The following KCNH7 variants were observed in gnomAD, a reference collection of about 807,000 sequenced individuals.
The protein encoded by KCNH7 is potassium voltage-gated channel subfamily H member 7, also known as voltage-gated inwardly rectifying potassium channel KCNH7.
Under a neutral mutation model 120.8 loss-of-function variants are expected in KCNH7, and 49 were observed. That is an observed-to-expected ratio of 0.41 (90% CI 0.32 to 0.51). The LOEUF (loss-of-function observed/expected upper bound fraction) is 0.51. KCNH7 is among the 20% of genes least tolerant of loss of function. The pLI is 0.38. For synonymous variants in KCNH7, 547 were observed against 516.1 expected, an observed-to-expected ratio of 1.06 and a Z score of -0.81; for missense variants, 1,097 against 1,446.6, an observed-to-expected ratio of 0.76 and a Z score of 3.92.
intron 2 of KCNH7, among the ~76,000 whole-genome samples, chr2:162,826,650 G>C (rs535108690): frequency 1.3e-5 from 2 of 152,230 alleles, no homozygotes; most frequent in Admixed American, 1.3e-4. Flanking sequence ...ATGAATGAAT[G>C]ATATCTTTCC....
intron 2 of KCNH7, among the ~76,000 whole-genome samples, chr2:162,548,397 A>G (rs1014836417): frequency 6.6e-6 from 1 of 152,182 alleles, no homozygotes; most frequent in Admixed American, 6.5e-5. Flanking sequence ...AGGTGGTTGC[A>G]GGAGGGAGAG....
At position 162,808,743 on chromosome 2, in the gene KCNH7, A is replaced by T. The variant is rs144428447; in HGVS notation, c.307+27794T>A. ...GTGTGCATATATATATTAAAGATATATATACATATAATAAAAGAATACTAA... is the reference window on the plus strand; with the variant it reads ...GTGTGCATATATATATTAAAGATATTTATACATATAATAAAAGAATACTAA... On this transcript the variant is annotated intron_variant, in intron 2 of 15. Transcript: ENST00000332142. Among the ~76,000 whole-genome samples the T allele has an allele frequency of 1.7e-3, 262 of 151,770 alleles. 5 individuals carry two copies. The East Asian group carries it at 0.028, about 16-fold the overall frequency.
At chr2:162,808,338 C>T (rs921167897) in intron 2 of KCNH7, among the ~76,000 whole-genome samples, 3 of 152,098 alleles carry the variant, frequency 2.0e-5, no homozygotes, top group Non-Finnish European at 4.4e-5. Flanking sequence ...AGACACTGCA[C>T]AAGGCTCTGG....
chr2:162,776,124 C>A (rs1374359637), intron 2 of KCNH7, among the ~76,000 whole-genome samples: 1 of 152,158 alleles, frequency 6.6e-6, no homozygotes, highest in Admixed American at 6.6e-5. Context: ...ATATACCGTT[C>A]TCTCATTTAT....
At chr2:162,719,081 A>G (rs1219830412) in intron 2 of KCNH7, among the ~76,000 whole-genome samples, 1 of 152,012 alleles carries the variant, frequency 6.6e-6, no homozygotes, top group African/African-American at 2.4e-5. Context: ...GTATGTATAT[A>G]TACTAGCTGT....
At chr2:162,808,283 G>C (rs1269258706) in intron 2 of KCNH7, among the ~76,000 whole-genome samples, 1 of 152,012 alleles carries the variant, frequency 6.6e-6, no homozygotes, top group Non-Finnish European at 1.5e-5. Flanking sequence ...TGACTCTGTG[G>C]AGGCAGAACC....
At position 162,371,490 on chromosome 2, in the gene KCNH7, A is replaced by G; in HGVS notation, c.*339T>C. 3.2e-6 allele frequency: 4 copies of G among 1,246,190 alleles called. No individual in the cohort carries two copies. The highest frequency in any genetic ancestry group is 4.1e-6 in the Non-Finnish European group (4 of 967,786). 77.2% of individuals were successfully genotyped at this position (1,246,190 alleles called of 1,614,324 possible). The stretch of plus-strand genomic sequence containing the variant: ...TCTTATTTGCGTGGAAGGCATTTTC[A>G]TAACGAAGTACTGGTTTAGTAAAAG... On this transcript the variant is annotated 3_prime_UTR_variant, in exon 16 of 16. Coordinates refer to ENST00000332142, the MANE Select transcript of KCNH7 (RefSeq NM_033272.4).
At chr2:162,810,760 C>T (rs1684707335) in intron 2 of KCNH7, among the ~76,000 whole-genome samples, 1 of 152,072 alleles carries the variant, frequency 6.6e-6, no homozygotes, top group African/African-American at 2.4e-5. Context: ...GCATATATCA[C>T]AGTGCAGAAT....
chr2:162,385,722 C>G (rs557396075), intron 12 of KCNH7, among the ~76,000 whole-genome samples: 1 of 151,948 alleles, frequency 6.6e-6, no homozygotes, highest in African/African-American at 2.4e-5. Flanking sequence ...CTGCTAATAA[C>G]TAACCAACAA....
chr2:162,672,117 T>C (rs1176741243), intron 2 of KCNH7, among the ~76,000 whole-genome samples: 1 of 152,128 alleles, frequency 6.6e-6, no homozygotes, highest in Non-Finnish European at 1.5e-5. Context: ...GAGATTTTCC[T>C]ACACAGTACT....
intron 2 of KCNH7, among the ~76,000 whole-genome samples, chr2:162,773,834 T>G (rs1683146544): frequency 6.6e-6 from 1 of 152,162 alleles, no homozygotes; most frequent in Non-Finnish European, 1.5e-5. Flanking sequence ...TATCCATTGT[T>G]TAAAATAAAA....
At chr2:162,544,434 T>A (rs1559006110) in intron 2 of KCNH7, among the ~76,000 whole-genome samples, 2 of 152,042 alleles carry the variant, frequency 1.3e-5, no homozygotes, top group African/African-American at 2.4e-5. Context: ...ATGATTTAGA[T>A]CCTCACAAAA....
intron 2 of KCNH7, among the ~76,000 whole-genome samples, chr2:162,723,552 T>A (rs2105377778): frequency 6.6e-6 from 1 of 152,346 alleles, no homozygotes; most frequent in African/African-American, 2.4e-5. Flanking sequence ...TCAGTTTAAC[T>A]TTAGCAACTT....
intron 2 of KCNH7, among the ~76,000 whole-genome samples, chr2:162,683,978 G>A (rs146345502): frequency 0.015 from 2,315 of 151,938 alleles, 73 homozygotes; most frequent in African/African-American, 0.052. Context: ...CGAAAACAGC[G>A]TGGTACTGGT....
chr2:162,720,322 AAGAG>A (rs1273387875), intron 2 of KCNH7, among the ~76,000 whole-genome samples: 2 of 140,414 alleles, frequency 1.4e-5, no homozygotes, highest in Non-Finnish European at 3.0e-5. Flanking sequence ...AAAAAAAAAA[AAGAG>A]AGAGAGAGGG....
intron 2 of KCNH7, among the ~76,000 whole-genome samples, chr2:162,614,296 G>A (rs886514685): frequency 6.6e-6 from 1 of 151,968 alleles, no homozygotes; most frequent in African/African-American, 2.4e-5. Flanking sequence ...CTTGGTGGTT[G>A]TACTTACTTC....
chr2:162,631,296 A>T lies in KCNH7; in HGVS notation c.308-94216T>A, dbSNP rs184830740. ...CTGACTCTTTACATTTACATTTTAC[A>T]TTTTTGTTTCTGTACATTGAGGCAA... On this transcript the variant is annotated intron_variant, in intron 2 of 15. Transcript: ENST00000332142. 6.0e-3 allele frequency among the ~76,000 whole-genome samples: 913 copies of T among 151,958 alleles called. 12 individuals are homozygous for T. Among genetic ancestry groups the T allele is most frequent in the African/African-American group, 0.02 (848 of 41,444 alleles).
intron 2 of KCNH7, among the ~76,000 whole-genome samples, chr2:162,676,441 T>A (rs1685532173): frequency 6.6e-6 from 1 of 151,500 alleles, no homozygotes; most frequent in Non-Finnish European, 1.5e-5. Context: ...TTTTTAGCAT[T>A]TGGGATTCAG....
chr2:162,396,848 C>A lies in KCNH7; in HGVS notation c.2505G>T (p.Lys835Asn), dbSNP rs1419452832. 1.2e-6 allele frequency: 2 copies of A among 1,611,752 alleles called. No individual in the cohort carries two copies. The highest frequency in any genetic ancestry group is 1.7e-6 in the Non-Finnish European group (2 of 1,178,690). The part of the protein sequence containing the change: ...VRALTYCDLH[K>N]IQREDLLEVL... Reference sequence around the variant, plus strand: ...CCTCTAACAAGTCTTCTCGCTGAATCTTATGCAAGTCACAGTATGTGAGGG... The same window carrying A: ...CCTCTAACAAGTCTTCTCGCTGAATATTATGCAAGTCACAGTATGTGAGGG... The change falls in exon 11 of 16, where the codon AAG (lysine) becomes AAT (asparagine). Residue 835 changes from lysine (K) to asparagine (N), a missense_variant. Transcript: ENST00000332142.
Sources: gnomAD v4.1 joint callset for allele counts (sites outside exome capture counted in the v4.1 genomes callset) on GRCh38, gnomAD v4.1.1 for gene constraint, MANE v1.5 for transcripts, NCBI Gene and HGNC (gene_info 2026-07-23, HGNC 2026-07-21) for gene names.